The following THADA variants were observed in gnomAD, a reference collection of about 807,000 sequenced individuals.
THADA encodes the protein THADA armadillo repeat containing, also known as tRNA (32-2'-O)-methyltransferase regulator THADA.
THADA carries 213 observed loss-of-function variants against 219.8 expected under a neutral mutation model. The observed-to-expected ratio is 0.97, with a 90% CI of 0.87 to 1.09. The LOEUF (loss-of-function observed/expected upper bound fraction) is 1.09, where lower values mean the gene tolerates loss of function less well. THADA is among the 50% of genes least tolerant of loss of function. The pLI is 0.00. For synonymous variants in THADA, 1,018 were observed against 828.9 expected (o/e 1.23, Z -3.92); for missense variants, 2,956 against 2,311.3 (o/e 1.28, Z -5.72).
chr2:43,568,133 T>C (rs996592531), intron 14 of THADA, among the ~76,000 whole-genome samples: 1 of 152,208 alleles, frequency 6.6e-6, no homozygotes, highest in African/African-American at 2.4e-5. Flanking sequence ...GTTATTGAAC[T>C]TCACTGAGCT....
chr2:43,296,195 G>A (rs1675356749), intron 31 of THADA, among the ~76,000 whole-genome samples: 1 of 151,932 alleles, frequency 6.6e-6, no homozygotes, highest in Admixed American at 6.6e-5. Flanking sequence ...TGGGATTACA[G>A]CGTGAGCCAC....
intron 22 of THADA, among the ~76,000 whole-genome samples, chr2:43,527,480 G>A (rs907550249): frequency 1.3e-5 from 2 of 151,782 alleles, no homozygotes; most frequent in Non-Finnish European, 1.5e-5. Flanking sequence ...ATAAAATTAT[G>A]AAGAAAAAAA....
intron 31 of THADA, among the ~76,000 whole-genome samples, chr2:43,293,683 C>T (rs908236615): frequency 6.6e-6 from 1 of 152,174 alleles, no homozygotes; most frequent in Non-Finnish European, 1.5e-5. Flanking sequence ...TCAAAAAGTT[C>T]TTTTTGTGTT....
At chr2:43,445,693 G>A (rs1252245955) in intron 26 of THADA, among the ~76,000 whole-genome samples, 1 of 152,084 alleles carries the variant, frequency 6.6e-6, no homozygotes, top group Non-Finnish European at 1.5e-5. Flanking sequence ...GTTTTTTTGA[G>A]ACAGAGTCTT....
At chr2:43,406,476 T>C (rs1000642835) in intron 28 of THADA, among the ~76,000 whole-genome samples, 1 of 152,200 alleles carries the variant, frequency 6.6e-6, no homozygotes, top group Non-Finnish European at 1.5e-5. Context: ...CAACAACAAA[T>C]ACAATTTGAA....
chr2:43,563,072 C>G (rs917864768), intron 15 of THADA: 4 of 152,162 alleles, frequency 2.6e-5, no homozygotes, highest in Admixed American at 2.6e-4. Context: ...TCATTTATCT[C>G]TGTTCTAATC....
chr2:43,240,828 A>G (rs1558453075), intron 36 of THADA, among the ~76,000 whole-genome samples: 1 of 152,216 alleles, frequency 6.6e-6, no homozygotes, highest in Non-Finnish European at 1.5e-5. Flanking sequence ...TCTGTCCTTT[A>G]TCTGAAAATT....
At chr2:43,356,076 C>T (rs1399077977) in intron 29 of THADA, among the ~76,000 whole-genome samples, 1 of 151,948 alleles carries the variant, frequency 6.6e-6, no homozygotes, top group Non-Finnish European at 1.5e-5. Context: ...CGGTTAAGGG[C>T]TATAAGAGAA....
chr2:43,371,742 C>A (rs1558654363), intron 29 of THADA, among the ~76,000 whole-genome samples: 1 of 152,312 alleles, frequency 6.6e-6, no homozygotes, highest in East Asian at 1.9e-4. Context: ...AACTATTTTG[C>A]TGTCCATGGA....
rs761721784 is a variant in THADA at position 43,586,467 on chromosome 2, T to C, written c.485-18A>G. The C allele has an allele frequency of 2.6e-6, 4 of 1,545,814 alleles. No homozygotes were observed. Among genetic ancestry groups the C allele is most frequent in the East Asian group, 2.3e-5 (1 of 43,144 alleles). On this transcript the variant is annotated intron_variant, in intron 6 of 37. Coordinates refer to ENST00000405975, the MANE Select transcript of THADA (RefSeq NM_022065.5). ...ATGAAGCACTGAAACAAAAAGAATA[T>C]GACAAATAAGAATTTAAAACTGTGA...
intron 30 of THADA, among the ~76,000 whole-genome samples, chr2:43,340,272 T>C (rs1402024258): frequency 6.6e-6 from 1 of 152,230 alleles, no homozygotes; most frequent in Non-Finnish European, 1.5e-5. Flanking sequence ...AGCCCAGTCC[T>C]TTCCTGAAGC....
At chr2:43,539,919 T>TC (rs1695088589) in intron 21 of THADA, among the ~76,000 whole-genome samples, 1 of 152,076 alleles carries the variant, frequency 6.6e-6, no homozygotes, top group Non-Finnish European at 1.5e-5. Context: ...CAAGGCAAAA[T>TC]AATGTTCATA....
intron 28 of THADA, among the ~76,000 whole-genome samples, chr2:43,420,551 C>T (rs1223117677): frequency 6.6e-6 from 1 of 152,166 alleles, no homozygotes; most frequent in East Asian, 1.9e-4. Context: ...CTAACATGAC[C>T]TAAACTGGCC....
chr2:43,482,614 T>G (rs1686368143), intron 26 of THADA, among the ~76,000 whole-genome samples: 1 of 152,208 alleles, frequency 6.6e-6, no homozygotes, highest in Non-Finnish European at 1.5e-5. Context: ...GATTTCTTAT[T>G]TCTCCTCTAG....
At chr2:43,381,347 T>A (rs963746102) in intron 29 of THADA, among the ~76,000 whole-genome samples, 10 of 151,860 alleles carry the variant, frequency 6.6e-5, no homozygotes, top group African/African-American at 2.4e-4. Flanking sequence ...AGAGACAAAT[T>A]TCCCACACAG....
chr2:43,486,140 T>C (rs185403623), intron 25 of THADA, among the ~76,000 whole-genome samples: 1 of 152,230 alleles, frequency 6.6e-6, no homozygotes, highest in African/African-American at 2.4e-5. Context: ...AGGTAATTAA[T>C]ATGGCTAAGA....
Position 43,292,819 on chromosome 2 carries a change from C to T in THADA, c.4818+15G>A, listed in dbSNP as rs1202192805. 17 of 1,605,934 alleles carry T rather than the reference C, an allele frequency of 1.1e-5. No individual in the cohort carries two copies. Among genetic ancestry groups the T allele is most frequent in the African/African-American group, 5.3e-5 (4 of 74,846 alleles). ...GGGGAGTGTAAAGGGCCAGTCAGTA[C>T]GTTGGAGACTTTACCTTGCAGAAGC... On this transcript the variant is annotated intron_variant, in intron 32 of 37. Transcript: ENST00000405975.
chr2:43,295,982 C>T (rs913493345), intron 31 of THADA, among the ~76,000 whole-genome samples: 4 of 147,086 alleles, frequency 2.7e-5, no homozygotes, highest in Non-Finnish European at 4.5e-5. Context: ...TGCAGTGGTG[C>T]GATCTCGGCT....
At chr2:43,447,587 C>CA (rs1234948667) in intron 26 of THADA, among the ~76,000 whole-genome samples, 1 of 152,116 alleles carries the variant, frequency 6.6e-6, no homozygotes, top group Non-Finnish European at 1.5e-5. Flanking sequence ...TAAGGCACTG[C>CA]AAAAACTGAT....
Sources: gnomAD v4.1 joint callset for allele counts (sites outside exome capture counted in the v4.1 genomes callset) on GRCh38, gnomAD v4.1.1 for gene constraint, MANE v1.5 for transcripts, NCBI Gene and HGNC (gene_info 2026-07-23, HGNC 2026-07-21) for gene names.